The following IQCM variants were observed in gnomAD, a reference collection of about 807,000 sequenced individuals.
IQCM encodes the protein IQ motif containing M.
Under a neutral mutation model 57.6 loss-of-function variants are expected in IQCM, and 45 were observed. The ratio of observed to expected loss-of-function variants is 0.78; its 90% confidence interval spans 0.62 to 1.00. IQCM has a LOEUF of 1.00. Among genes scored for constraint, IQCM ranks in the 50% least tolerant of loss-of-function variants. The pLI is 0.00. For synonymous variants in IQCM, 148 were observed against 158.9 expected (o/e 0.93, Z 0.51); for missense variants, 468 against 511.6 (o/e 0.91, Z 0.82).
At chr4:149,516,000 T>A (rs1744922128) in intron 12 of IQCM, among the ~76,000 whole-genome samples, 1 of 152,208 alleles carries the variant, frequency 6.6e-6, no homozygotes, top group African/African-American at 2.4e-5. Context: ...CCTAGCCACC[T>A]GTCATTGCCC....
intron 13 of IQCM, among the ~76,000 whole-genome samples, chr4:149,381,169 T>A (rs1299937092): frequency 6.6e-6 from 1 of 152,152 alleles, no homozygotes; most frequent in African/African-American, 2.4e-5. Context: ...GCTGACTCTA[T>A]TTTCTGAATA....
At chr4:149,571,047 G>T (rs1294978334) in intron 9 of IQCM, among the ~76,000 whole-genome samples, 1 of 151,990 alleles carries the variant, frequency 6.6e-6, no homozygotes, top group Admixed American at 6.6e-5. Context: ...ACTGTTGGTG[G>T]GAATGTAAAT....
At chr4:149,436,708 G>A (rs1735395320) in intron 12 of IQCM, among the ~76,000 whole-genome samples, 1 of 151,934 alleles carries the variant, frequency 6.6e-6, no homozygotes, top group Non-Finnish European at 1.5e-5. Context: ...TGCTGTTTAT[G>A]GACTGCTTCT....
chr4:149,385,524 T>TA (rs372561229), intron 13 of IQCM, among the ~76,000 whole-genome samples: 92 of 152,178 alleles, frequency 6.0e-4, no homozygotes, highest in African/African-American at 2.1e-3. Flanking sequence ...CAAATTTATA[T>TA]AAAAAACTCC....
At chr4:149,354,528 C>T (rs2110872385) in intron 13 of IQCM, among the ~76,000 whole-genome samples, 1 of 152,032 alleles carries the variant, frequency 6.6e-6, no homozygotes, top group Non-Finnish European at 1.5e-5. Flanking sequence ...GATATGCATT[C>T]TAGTTCTTGA....
At chr4:149,658,036 G>GTT (rs1024743630) in intron 7 of IQCM, among the ~76,000 whole-genome samples, 7 of 149,970 alleles carry the variant, frequency 4.7e-5, no homozygotes, top group Non-Finnish European at 1.0e-4. Flanking sequence ...ATCATATTTG[G>GTT]TTTTTTTTTG....
intron 13 of IQCM, among the ~76,000 whole-genome samples, chr4:149,413,705 T>C: frequency 6.6e-6 from 1 of 152,218 alleles, no homozygotes; most frequent in Non-Finnish European, 1.5e-5. Context: ...GTTTTTGAAA[T>C]ATTTAAAAAT....
Position 149,377,210 on chromosome 4 carries a change from A to G in IQCM, c.1391-25144T>C, listed in dbSNP as rs28669828. Among the ~76,000 whole-genome samples the G allele has an allele frequency of 9.3e-3, 1,414 of 152,272 alleles. 31 individuals are homozygous for G. Among genetic ancestry groups the G allele is most frequent in the African/African-American group, 0.033 (1,353 of 41,566 alleles). On this transcript the variant is annotated intron_variant, in intron 13 of 13. Coordinates refer to ENST00000636793, the MANE Select transcript of IQCM (RefSeq NM_001363507.2). The stretch of plus-strand genomic sequence containing the variant: ...ATTTGATAGGATTGAATCAATTAAC[A>G]TTCTGAAAAAAAATTAAATTTTATT...
At chr4:149,794,410 G>A (rs1472413193) in intron 2 of IQCM, among the ~76,000 whole-genome samples, 1 of 152,180 alleles carries the variant, frequency 6.6e-6, no homozygotes, top group Non-Finnish European at 1.5e-5. Context: ...TTAAATTCAA[G>A]CCTATTTACC....
intron 5 of IQCM, among the ~76,000 whole-genome samples, chr4:149,728,754 G>A (rs1027880834): frequency 6.6e-6 from 1 of 152,096 alleles, no homozygotes; most frequent in African/African-American, 2.4e-5. Flanking sequence ...TCCCGTCTCT[G>A]CTACAGTCTG....
rs542926678 is a variant in IQCM, at chr4:149,808,576, T to C, written c.-49+6735A>G. Among the ~76,000 whole-genome samples, 14 of 152,262 alleles carry C rather than the reference T, an allele frequency of 9.2e-5. 1 individual carries two copies. The highest frequency in any genetic ancestry group is 3.4e-3 in the Middle Eastern group (1 of 294). ...TTATAATGTTCTTAACACAAAAAGG[T>C]AGATGTTTGAGGTGTTGGATATCTC... On this transcript the variant is annotated intron_variant, in intron 2 of 13. Coordinates refer to ENST00000636793, the MANE Select transcript of IQCM (RefSeq NM_001363507.2).
At chr4:149,378,125 C>A (rs561703863) in intron 13 of IQCM, among the ~76,000 whole-genome samples, 3 of 152,130 alleles carry the variant, frequency 2.0e-5, no homozygotes, top group African/African-American at 7.2e-5. Context: ...GTAAGATGTG[C>A]CTTTCATCTT....
intron 12 of IQCM, among the ~76,000 whole-genome samples, chr4:149,456,323 G>A (rs1486780896): frequency 1.3e-5 from 2 of 152,028 alleles, no homozygotes; most frequent in African/African-American, 4.8e-5. Context: ...TATGGATTGA[G>A]TAGCCTTTAT....
chr4:149,692,980 C>A (rs1255727379), intron 5 of IQCM, among the ~76,000 whole-genome samples: 1 of 152,132 alleles, frequency 6.6e-6, no homozygotes, highest in Non-Finnish European at 1.5e-5. Context: ...GGCATTAAAA[C>A]TGCCAACTTA....
chr4:149,418,873 T>C (rs1285293827), intron 13 of IQCM, among the ~76,000 whole-genome samples: 1 of 152,066 alleles, frequency 6.6e-6, no homozygotes, highest in Non-Finnish European at 1.5e-5. Flanking sequence ...AAACCAACCA[T>C]GGAGGAACTC....
intron 2 of IQCM, among the ~76,000 whole-genome samples, chr4:149,776,056 A>G (rs1038266474): frequency 7.2e-5 from 11 of 152,160 alleles, no homozygotes; most frequent in African/African-American, 2.7e-4. Flanking sequence ...TCTTTTGAAC[A>G]CAAGAGTTTA....
At chr4:149,653,280 G>A (rs928313722) in intron 7 of IQCM, among the ~76,000 whole-genome samples, 6 of 152,048 alleles carry the variant, frequency 3.9e-5, no homozygotes, top group Admixed American at 6.6e-5. Flanking sequence ...TCCATTGCAC[G>A]TTTCCTTATC....
intron 2 of IQCM, among the ~76,000 whole-genome samples, chr4:149,765,295 G>C (rs1328674958): frequency 6.6e-6 from 1 of 152,032 alleles, no homozygotes; most frequent in African/African-American, 2.4e-5. Context: ...GTATGAGACA[G>C]ACATTGGCCA....
intron 8 of IQCM, among the ~76,000 whole-genome samples, chr4:149,590,816 G>A (rs1248128138): frequency 1.3e-5 from 2 of 152,062 alleles, no homozygotes; most frequent in African/African-American, 4.8e-5. Context: ...ATTCCATGGT[G>A]TATATGTGCC....
Sources: allele counts gnomAD v4.1 joint callset (sites outside exome capture counted in the v4.1 genomes callset), GRCh38; gene constraint gnomAD v4.1.1; transcripts MANE v1.5; gene names NCBI Gene and HGNC (gene_info 2026-07-23, HGNC 2026-07-21).